The following PEPD variants were observed in gnomAD, a reference collection of about 807,000 sequenced individuals.
PEPD encodes the protein xaa-Pro dipeptidase.
PEPD carries 53 observed loss-of-function variants against 60.7 expected under a neutral mutation model. The ratio of observed to expected loss-of-function variants is 0.87; its 90% confidence interval spans 0.70 to 1.10. PEPD has a LOEUF of 1.10. PEPD is among the 50% of genes least tolerant of loss of function. The probability of loss-of-function intolerance (pLI) is 0.00; values close to 1 mark genes in which losing one functional copy is unlikely to be tolerated. For missense variants in PEPD, 711 were observed against 711.9 expected (o/e 1.00, Z 0.01); for synonymous variants, 267 against 284.1 (o/e 0.94, Z 0.60).
At chr19:33,490,316 T>A (rs1466278712) in intron 5 of PEPD, among the ~76,000 whole-genome samples, 2 of 152,172 alleles carry the variant, frequency 1.3e-5, no homozygotes, top group African/African-American at 2.4e-5. Flanking sequence ...CAAGGCCTTC[T>A]CCATGGAGGT....
At chr19:33,419,738 G>A (rs1968971349) in intron 9 of PEPD, among the ~76,000 whole-genome samples, 1 of 152,228 alleles carries the variant, frequency 6.6e-6, no homozygotes, top group Non-Finnish European at 1.5e-5. Flanking sequence ...CCGGAGCCCT[G>A]ACCTTGCACC....
At chr19:33,406,994 C>T (rs900513471) in intron 11 of PEPD, among the ~76,000 whole-genome samples, 1 of 152,160 alleles carries the variant, frequency 6.6e-6, no homozygotes, top group African/African-American at 2.4e-5. Flanking sequence ...CCTGGCCCAT[C>T]GTCCTGAGAC....
intron 9 of PEPD, among the ~76,000 whole-genome samples, chr19:33,415,747 G>A (rs9676616): frequency 0.073 from 11,189 of 152,270 alleles, 1,409 homozygotes; most frequent in African/African-American, 0.25. Flanking sequence ...AGTGCAGCCC[G>A]ACACTGGTCA....
intron 6 of PEPD, among the ~76,000 whole-genome samples, chr19:33,488,809 T>C (rs560311312): frequency 2.7e-4 from 41 of 152,158 alleles, no homozygotes; most frequent in African/African-American, 9.9e-4. Context: ...GGCTCATACA[T>C]AATTATAAGG....
At chr19:33,445,349 T>C (rs959157465) in intron 9 of PEPD, among the ~76,000 whole-genome samples, 2 of 152,186 alleles carry the variant, frequency 1.3e-5, no homozygotes, top group Non-Finnish European at 2.9e-5. Flanking sequence ...CCCCCAAATT[T>C]ATACATCAAA....
At chr19:33,455,330 T>C (rs186996992) in intron 9 of PEPD, among the ~76,000 whole-genome samples, 148 of 152,230 alleles carry the variant, frequency 9.7e-4, no homozygotes, top group Middle Eastern at 3.4e-3. Flanking sequence ...AAAAGTTTAC[T>C]GATTAAACAC....
chr19:33,411,356 A>C (rs961300381), intron 11 of PEPD, among the ~76,000 whole-genome samples: 2 of 152,174 alleles, frequency 1.3e-5, no homozygotes, highest in African/African-American at 4.8e-5. Flanking sequence ...CGGAGAGGAC[A>C]GCCTGGACAG....
At chr19:33,394,938 C>T (rs951756362) in intron 12 of PEPD, among the ~76,000 whole-genome samples, 4 of 152,226 alleles carry the variant, frequency 2.6e-5, no homozygotes, top group Admixed American at 6.5e-5. Flanking sequence ...CGCTGCACAC[C>T]CCTTGGATGC....
intron 9 of PEPD, among the ~76,000 whole-genome samples, chr19:33,419,233 C>T (rs1055449808): frequency 6.6e-6 from 1 of 152,154 alleles, no homozygotes; most frequent in African/African-American, 2.4e-5. Context: ...ACTCCTGGAG[C>T]CCCACTGCTG....
At chr19:33,486,657 G>A (rs980817797) in intron 6 of PEPD, among the ~76,000 whole-genome samples, 2 of 152,164 alleles carry the variant, frequency 1.3e-5, no homozygotes, top group African/African-American at 4.8e-5. Flanking sequence ...GCCTGGCCCT[G>A]ATCTGGGGAG....
At chr19:33,406,852 G>C (rs961171255) in intron 11 of PEPD, among the ~76,000 whole-genome samples, 1 of 152,164 alleles carries the variant, frequency 6.6e-6, no homozygotes, top group African/African-American at 2.4e-5. Context: ...ATCTAGCCAG[G>C]GAAGGAGGGG....
intron 1 of PEPD, among the ~76,000 whole-genome samples, chr19:33,516,344 T>C (rs1046459868): frequency 4.6e-5 from 7 of 152,150 alleles, no homozygotes; most frequent in Non-Finnish European, 1.0e-4. Flanking sequence ...AAAGCCATTA[T>C]CATCCCCAGG....
chr19:33,450,990 A>C (rs1969687851), intron 9 of PEPD, among the ~76,000 whole-genome samples: 1 of 152,186 alleles, frequency 6.6e-6, no homozygotes, highest in Admixed American at 6.5e-5. Flanking sequence ...CCTCCCTAAA[A>C]ATGTCTGCAT....
chr19:33,398,067 G>A (rs1414798360), intron 12 of PEPD, among the ~76,000 whole-genome samples: 1 of 152,198 alleles, frequency 6.6e-6, no homozygotes, highest in East Asian at 1.9e-4. Context: ...ACAGGAGACT[G>A]AGGGGTAAGA....
intron 9 of PEPD, among the ~76,000 whole-genome samples, chr19:33,456,348 G>A (rs1012420954): frequency 6.6e-6 from 1 of 152,136 alleles, no homozygotes; most frequent in Non-Finnish European, 1.5e-5. Flanking sequence ...AGACAGCCCT[G>A]GCTCTTGGGA....
At chr19:33,465,011 G>C (rs541003078) in intron 7 of PEPD, among the ~76,000 whole-genome samples, 81 of 152,260 alleles carry the variant, frequency 5.3e-4, no homozygotes, top group African/African-American at 1.9e-3. Flanking sequence ...CCAGCGGTGT[G>C]GCCAAGATCC....
At chr19:33,484,897 A>G (rs1234401630) in intron 6 of PEPD, among the ~76,000 whole-genome samples, 3 of 152,238 alleles carry the variant, frequency 2.0e-5, no homozygotes, top group Admixed American at 6.5e-5. Flanking sequence ...TTTTGCCTCC[A>G]TGCTGGTTAG....
At chr19:33,442,979 T>A (rs1259515658) in intron 9 of PEPD, among the ~76,000 whole-genome samples, 1 of 152,196 alleles carries the variant, frequency 6.6e-6, no homozygotes, top group African/African-American at 2.4e-5. Flanking sequence ...CAGAACAGCA[T>A]CTGGCACACA....
intron 9 of PEPD, among the ~76,000 whole-genome samples, chr19:33,425,508 AG>A (rs2145387548): frequency 6.6e-6 from 1 of 152,238 alleles, no homozygotes; most frequent in Non-Finnish European, 1.5e-5. Context: ...GCTGCTTTTA[AG>A]TTCACATTTC....
Sources: gnomAD v4.1 joint callset for allele counts (sites outside exome capture counted in the v4.1 genomes callset) on GRCh38, gnomAD v4.1.1 for gene constraint, MANE v1.5 for transcripts, NCBI Gene and HGNC (gene_info 2026-07-23, HGNC 2026-07-21) for gene names.